RIC3: variants seen among roughly 807,000 people sequenced by gnomAD.
RIC3 encodes protein RIC-3.
A neutral mutation model predicts 27.3 loss-of-function variants in RIC3; 28 were observed. The observed-to-expected ratio is 1.02, with a 90% confidence interval of 0.76 to 1.41. The LOEUF is 1.41. Among genes scored for constraint, RIC3 ranks in the 40% most tolerant of loss-of-function variants. The probability of loss-of-function intolerance (pLI) is 0.00; values close to 1 mark genes in which losing one functional copy is unlikely to be tolerated. For synonymous variants in RIC3, 184 were observed against 160.4 expected, an observed-to-expected ratio of 1.15 and a Z score of -1.11; for missense variants, 501 against 444.7, an observed-to-expected ratio of 1.13 and a Z score of -1.14.
intron 1 of RIC3, among the ~76,000 whole-genome samples, chr11:8,150,369 T>C (rs1390735481): frequency 1.3e-5 from 2 of 152,220 alleles, no homozygotes; most frequent in African/African-American, 4.8e-5. Context: ...ATAGAGCTCA[T>C]GGAGGAGTTG....
At chr11:8,097,660 CTG>C in the RIC3 span, 46 of 1,497,480 alleles carry the variant, frequency 3.1e-5, no homozygotes, top group African/African-American at 4.1e-5. Flanking sequence ...GCTCTCATGA[CTG>C]TGTGCAGACC....
intron 1 of RIC3, among the ~76,000 whole-genome samples, chr11:8,161,670 T>C (rs1388149403): frequency 6.6e-6 from 1 of 152,180 alleles, no homozygotes; most frequent in Non-Finnish European, 1.5e-5. Context: ...GGAAAGAATC[T>C]TGGGAGTGAG....
rs914333682 is a variant in RIC3 at position 8,108,812 on chromosome 11, G to A, written c.*1886C>T. ...CTAAATGAATGAATGAGCTAGAAGA[G>A]AACAGCAGTATTTATCTCTAATAAG... On this transcript the variant is annotated 3_prime_UTR_variant, in exon 6 of 6. Coordinates refer to ENST00000309737, the MANE Select transcript of RIC3 (RefSeq NM_001206671.4). 6.6e-6 allele frequency: 1 copy of A among 152,212 alleles called. No homozygotes were observed. Among genetic ancestry groups the A allele is most frequent in the African/African-American group, 2.4e-5 (1 of 41,440 alleles). The allele number at this position is 152,212 out of a possible 1,614,324, so 9.4% of individuals were successfully genotyped here. A position where few individuals can be genotyped will look rare whatever the true frequency, so the allele number is the denominator to read the frequency against.
At chr11:8,100,723 G>C in the RIC3 span, 4 of 1,558,916 alleles carry the variant, frequency 2.6e-6, no homozygotes, top group African/African-American at 5.4e-5. Flanking sequence ...AGCCCTGGAG[G>C]TCTAGGGAAA....
the RIC3 span, chr11:8,097,709 C>A: frequency 6.2e-7 from 1 of 1,611,070 alleles, no homozygotes. Flanking sequence ...ATTCCACTCC[C>A]CAAGGTGTTC....
intron 1 of RIC3, among the ~76,000 whole-genome samples, chr11:8,144,776 A>G (rs1324771997): frequency 6.6e-6 from 1 of 151,830 alleles, no homozygotes; most frequent in Non-Finnish European, 1.5e-5. Flanking sequence ...ACTTGGAACC[A>G]ACCCAAATGT....
chr11:8,113,386 G>A (rs912150189), intron 5 of RIC3, among the ~76,000 whole-genome samples: 1 of 152,138 alleles, frequency 6.6e-6, no homozygotes, highest in Non-Finnish European at 1.5e-5. Flanking sequence ...CATAATGCCT[G>A]CACCCACAGA....
chr11:8,100,616 C>G, the RIC3 span: 10 of 1,609,402 alleles, frequency 6.2e-6, no homozygotes, highest in Admixed American at 1.7e-5. Context: ...GTGTCTACCC[C>G]TTCCTCCCCT....
chr11:8,095,349 C>A, the RIC3 span: 1 of 728,800 alleles, frequency 1.4e-6, no homozygotes, highest in Non-Finnish European at 2.2e-6. Context: ...CAGGCTGGTG[C>A]AATCATTAGT....
At chr11:8,095,427 A>G in the RIC3 span, 11 of 1,509,232 alleles carry the variant, frequency 7.3e-6, no homozygotes, top group Non-Finnish European at 7.2e-6. Context: ...CATCCCCTTC[A>G]TGGACGTCTG....
chr11:8,121,059 A>G (rs2133501355), intron 5 of RIC3, among the ~76,000 whole-genome samples: 1 of 152,342 alleles, frequency 6.6e-6, no homozygotes, highest in South Asian at 2.1e-4. Flanking sequence ...TATATGAGAC[A>G]GTGGTTAAGA....
chr11:8,111,196 T>C (rs1216030247), intron 5 of RIC3, 59 bp from the exon 6 acceptor site: 2 of 1,035,398 alleles, frequency 1.9e-6, no homozygotes, highest in Non-Finnish European at 2.8e-6. Context: ...AAAAAAAAAA[T>C]AGTGTCAGGT....
At chr11:8,142,238 G>A (rs1324942030) in intron 1 of RIC3, among the ~76,000 whole-genome samples, 1 of 135,122 alleles carries the variant, frequency 7.4e-6, no homozygotes, top group Admixed American at 7.4e-5. Flanking sequence ...GAATCCAGGA[G>A]CTGGTTTTTT....
chr11:8,099,111 GCT>G, the RIC3 span, among the ~76,000 whole-genome samples: 1 of 151,944 alleles, frequency 6.6e-6, no homozygotes, highest in East Asian at 1.9e-4. Flanking sequence ...ACCAGGCCTG[GCT>G]CTCTGCAGTC....
intron 1 of RIC3, among the ~76,000 whole-genome samples, chr11:8,145,316 C>T (rs981992774): frequency 3.3e-5 from 5 of 151,746 alleles, no homozygotes; most frequent in Admixed American, 2.0e-4. Flanking sequence ...AATCTCTCTC[C>T]TTCTCTATGG....
chr11:8,118,606 G>A (rs1042518066), intron 5 of RIC3, among the ~76,000 whole-genome samples: 13 of 147,750 alleles, frequency 8.8e-5, no homozygotes, highest in African/African-American at 7.4e-5. Context: ...AGTGGCTCAC[G>A]CCTGTAATCC....
intron 1 of RIC3, among the ~76,000 whole-genome samples, chr11:8,140,834 C>T (rs966135235): frequency 6.6e-5 from 10 of 152,050 alleles, no homozygotes; most frequent in East Asian, 3.9e-4. Flanking sequence ...GCGGATCTCT[C>T]GGCAGAAACC....
chr11:8,114,121 A>C (rs1011392090), intron 5 of RIC3, among the ~76,000 whole-genome samples: 6 of 152,212 alleles, frequency 3.9e-5, no homozygotes, highest in Non-Finnish European at 8.8e-5. Context: ...GCCTACCCAG[A>C]ATCTCTGGGC....
At chr11:8,115,976 A>C (rs1945821771) in intron 5 of RIC3, among the ~76,000 whole-genome samples, 2 of 152,232 alleles carry the variant, frequency 1.3e-5, no homozygotes, top group African/African-American at 4.8e-5. Context: ...CAGAGGCATC[A>C]CAGTACCTGA....
Sources: allele counts gnomAD v4.1 joint callset (sites outside exome capture counted in the v4.1 genomes callset), GRCh38; gene constraint gnomAD v4.1.1; transcripts MANE v1.5; gene names NCBI Gene and HGNC (gene_info 2026-07-23, HGNC 2026-07-21).